SPTA1: variants seen among roughly 807,000 people sequenced by gnomAD.
SPTA1 encodes the protein spectrin alpha, erythrocytic 1, also known as spectrin alpha chain, erythrocytic 1.
SPTA1 carries 177 observed loss-of-function variants against 324.7 expected under a neutral mutation model. The observed-to-expected ratio is 0.55, with a 90% confidence interval of 0.48 to 0.62. The LOEUF (loss-of-function observed/expected upper bound fraction) is 0.62. Among genes scored for constraint, SPTA1 ranks in the 20% least tolerant of loss-of-function variants. SPTA1 has a pLI of 0.00. For synonymous variants in SPTA1, 1,195 were observed against 1,041.3 expected, an observed-to-expected ratio of 1.15 and a Z score of -2.84; for missense variants, 3,162 against 2,883.6, an observed-to-expected ratio of 1.10 and a Z score of -2.21.
rs201399968 is a variant in SPTA1 at position 158,644,351 on chromosome 1, G to A, written c.4240C>T (p.Arg1414Cys). The A allele has an allele frequency of 4.4e-4, 705 of 1,613,730 alleles. 1 individual carries two copies. Among genetic ancestry groups the A allele is most frequent in the Non-Finnish European group, 5.7e-4 (669 of 1,179,896 alleles). Residue 1414 changes from arginine (R) to cysteine (C), a missense_variant, in exon 30 of 52, where the codon CGT (arginine) becomes TGT (cysteine). Arg to Cys is a radical substitution (Grantham distance 180, BLOSUM62 -3). Transcript: ENST00000643759. ...TCATCTGACCTCAGGGAATTCTCAC[G>A]TGCCACCATCCAGCTCTCAACTTGA... ...CDQVESWMVA[R>C]ENSLRSDDKS...
chr1:158,671,385 T>G lies in SPTA1; in HGVS notation c.1557A>C (p.Glu519Asp). 6.2e-7 allele frequency: 1 copy of G among 1,613,562 alleles called. No homozygotes were observed. The highest frequency in any genetic ancestry group is 2.2e-5 in the East Asian group (1 of 44,854). Residue 519 changes from glutamate (E) to aspartate (D), a missense_variant, in exon 12 of 52, where the codon GAA (glutamate) becomes GAC (aspartate). Coordinates refer to ENST00000643759, the MANE Select transcript of SPTA1 (RefSeq NM_003126.4). ...GSAEALLQKH[E>D]DFEEAFTAQE... ...GGGCAGTAAAGGCTTCCTCAAAGTC[T>G]TCATGCTTCTGAAGAAGGGCTTCTG... is the stretch of plus-strand genomic sequence containing the variant.
intron 29 of SPTA1, 28 bp from the exon 30 acceptor site, chr1:158,644,424 G>T: frequency 6.2e-7 from 1 of 1,613,326 alleles, no homozygotes; most frequent in Non-Finnish European, 8.5e-7. Flanking sequence ...AGAGGGGTAT[G>T]GTATAGTCCA....
Position 158,683,495 on chromosome 1 carries a change from C to T in SPTA1, c.266G>A (p.Gly89Glu), listed in dbSNP as rs1557997384. Residue 89 changes from glycine to glutamate, a missense_variant and splice_region_variant, in exon 3 of 52, where the codon GGG (glycine) becomes GAG (glutamate). Physicochemically the swap from Gly to Glu is moderately conservative, Grantham distance 98. Transcript: ENST00000643759. ...KSYEDPTNIQ[G>E]KYQKHQSLEA... ...AAGGGATTGATGCTTCTGATATTTC[C>T]CCTAAAGTTTAGAAATCAGAGTTTT... is the stretch of plus-strand genomic sequence containing the variant. The T allele has an allele frequency of 9.3e-6, 15 of 1,612,866 alleles. No homozygotes were observed. Among genetic ancestry groups the T allele is most frequent in the Non-Finnish European group, 1.3e-5 (15 of 1,179,280 alleles).
chr1:158,652,526 T>G lies in SPTA1; in HGVS notation c.3316A>C (p.Thr1106Pro). The G allele has an allele frequency of 6.2e-7, 1 of 1,614,194 alleles. No individual in the cohort carries two copies. The highest frequency in any genetic ancestry group is 2.2e-5 in the East Asian group (1 of 44,866). Residue 1106 changes from threonine (T) to proline (P), a missense_variant, in exon 23 of 52, where the codon ACT (threonine) becomes CCT (proline). Thr to Pro is a conservative substitution (Grantham distance 38, BLOSUM62 -1). Transcript: ENST00000643759. ...EWIQEKKAENTGVELDDVWEL... is the reference protein window; with the variant it reads ...EWIQEKKAENPGVELDDVWEL... ...CAAACATCATCTAGTTCCACTCCAG[T>G]GTTTTCTGCCTTTTTCTCTTGAATC...
intron 39 of SPTA1, among the ~76,000 whole-genome samples, chr1:158,633,492 C>G (rs1030174249): frequency 9.9e-5 from 15 of 151,714 alleles, no homozygotes; most frequent in Non-Finnish European, 1.9e-4. Context: ...AACCCCTTGT[C>G]TACTAAAAAT....
intron 38 of SPTA1, 92 bp downstream of exon 38, chr1:158,635,821 G>C (rs1571410904): frequency 1.3e-6 from 2 of 1,586,500 alleles, no homozygotes; most frequent in East Asian, 2.2e-5. Flanking sequence ...GGGGATAGCA[G>C]ACAATGCTGA....
rs1163981103 is a variant in SPTA1 at position 158,627,649 on chromosome 1, T to G, written c.5640A>C (p.Ala1880=). 1.2e-6 allele frequency: 2 copies of G among 1,613,584 alleles called. No homozygotes were observed. Among genetic ancestry groups the G allele is most frequent in the East Asian group, 2.2e-5 (1 of 44,854 alleles). The change falls in exon 40 of 52, where the codon GCA becomes GCC. Residue 1880 remains alanine (A), a synonymous_variant. Transcript: ENST00000643759. ...VHETRVQNVC[A]QGEDILNKVL... is the part of the protein sequence containing the mutation. ...CCTTATTTAGGATGTCTTCTCCTTG[T>G]GCACACACATTTTGTACTCGGGTCT...
rs1652900195 is a variant in SPTA1 at position 158,657,327 on chromosome 1, C to G, written c.2805+150G>C. ...GGATTCCTGTCAACTCTGAGGGAGT[C>G]TCAGCAGATGAAGGCCAACGGCGAC... On this transcript the variant is annotated intron_variant, in intron 19 of 51. Transcript: ENST00000643759. 3.9e-6 allele frequency: 3 copies of G among 766,320 alleles called. No individual in the cohort carries two copies. In the South Asian group the frequency reaches 4.4e-5, roughly 11 times the overall value. 47.5% of individuals were successfully genotyped at this position (766,320 alleles called of 1,614,324 possible).
At chr1:158,651,174 T>G (rs957556871) in intron 24 of SPTA1, among the ~76,000 whole-genome samples, 193 bp downstream of exon 24, 5 of 152,198 alleles carry the variant, frequency 3.3e-5, no homozygotes, top group African/African-American at 1.2e-4. Flanking sequence ...TTTAATTAAG[T>G]TAATTTAGAC....
At chr1:158,648,341 C>A (rs1443201149) in intron 26 of SPTA1, among the ~76,000 whole-genome samples, 168 bp downstream of exon 26, 1 of 152,082 alleles carries the variant, frequency 6.6e-6, no homozygotes, top group Non-Finnish European at 1.5e-5. Context: ...TGGGGCATAT[C>A]CTTTTCATGG....
rs1177353050 is a variant in SPTA1 at position 158,659,595 on chromosome 1, ATTTTTTTTTTT to A, written c.2587+1681_2587+1691del. 7.3e-5 allele frequency among the ~76,000 whole-genome samples: 5 copies of A among 68,780 alleles called. 2 individuals carry two copies. The East Asian group carries it at 1.8e-3, about 24-fold the overall frequency. The allele number at this position is 68,780 out of a possible 152,430, so 45.1% of individuals were successfully genotyped here. A position where few individuals can be genotyped will look rare whatever the true frequency, so the allele number is the denominator to read the frequency against. On this transcript the variant is annotated intron_variant, in intron 18 of 51. Coordinates refer to ENST00000643759, the MANE Select transcript of SPTA1 (RefSeq NM_003126.4). ...AAAAGAAAATAATAGTCTTAGCATT[ATTTTTTTTTTT>A]TTTTTTTTTTTTTTTGAGACGGAGT...
intron 10 of SPTA1, among the ~76,000 whole-genome samples, chr1:158,672,785 T>G (rs1654115340): frequency 1.3e-5 from 2 of 152,048 alleles, no homozygotes. Flanking sequence ...CACCTGCAGC[T>G]GTATTATCTC....
In SPTA1 at chr1:158,672,145, G is replaced by C. The variant is rs565907779; in HGVS notation, c.1402C>G (p.Arg468Gly). Residue 468 changes from arginine to glycine, a missense_variant, in exon 11 of 52, where the codon CGT becomes GGT. Transcript: ENST00000643759. ...WTALLELWDE[R>G]HRQYEQCLDF... ...AAGCACTGCTCATACTGACGATGAC[G>C]CTCGTCCCACAGTTCCAGCAGGGCA... 3 of 1,614,034 alleles carry C rather than the reference G, an allele frequency of 1.9e-6. No homozygotes were observed. Among genetic ancestry groups the C allele is most frequent in the Non-Finnish European group, 2.5e-6 (3 of 1,179,966 alleles).
At chr1:158,678,025 G>C (rs115332667) in intron 6 of SPTA1, among the ~76,000 whole-genome samples, 191 bp from the exon 7 acceptor site, 2,690 of 152,198 alleles carry the variant, frequency 0.018, 94 homozygotes, top group African/African-American at 0.062. Context: ...TTAAGGTCCT[G>C]GGCTTCTTGA....
chr1:158,628,463 A>T (rs1206779708), intron 39 of SPTA1, among the ~76,000 whole-genome samples: 1 of 152,174 alleles, frequency 6.6e-6, no homozygotes, highest in Non-Finnish European at 1.5e-5. Flanking sequence ...TACTTTTTCA[A>T]AATCCCTATT....
At chr1:158,684,385 C>T (rs1655025922) in intron 2 of SPTA1, among the ~76,000 whole-genome samples, 1 of 152,054 alleles carries the variant, frequency 6.6e-6, no homozygotes, top group Non-Finnish European at 1.5e-5. Flanking sequence ...TGACTCTTCA[C>T]CCTATTTCCC....
rs200868381 is a variant in SPTA1 at position 158,613,861 on chromosome 1, A to G, written c.6849T>C (p.Phe2283=). ...LKEFSTIYKH[F]DENLTGRLTH... is the part of the protein sequence containing the mutation. ...TCAGGCGCCCTGTCAAATTCTCATC[A>G]AAGTGTCTAAAGGATAAAAAAAGAA... The change falls in exon 50 of 52, where the codon TTT becomes TTC. Residue 2283 remains phenylalanine, a synonymous_variant. Coordinates refer to ENST00000643759, the MANE Select transcript of SPTA1 (RefSeq NM_003126.4). The G allele has an allele frequency of 6.2e-7, 1 of 1,613,800 alleles. No individual in the cohort carries two copies. The highest frequency in any genetic ancestry group is 8.5e-7 in the Non-Finnish European group (1 of 1,179,882).
chr1:158,636,687 T>C lies in SPTA1; in HGVS notation c.5264A>G (p.His1755Arg). The change falls in exon 37 of 52, where the codon CAC becomes CGC. Residue 1755 changes from histidine (H) to arginine (R), a missense_variant. Coordinates refer to ENST00000643759, the MANE Select transcript of SPTA1 (RefSeq NM_003126.4). The part of the protein sequence containing the change: ...LQGVQNLLKK[H>R]KRLEGELVAH... ...CACCAGCTCCCCCTCTAGGCGTTTG[T>C]GCTTCTTCAGCAAGTTCTGAACCCC... is the stretch of plus-strand genomic sequence containing the variant. 1 of 1,614,166 alleles carries C rather than the reference T, an allele frequency of 6.2e-7. No individual in the cohort carries two copies. The highest frequency in any genetic ancestry group is 2.2e-5 in the East Asian group (1 of 44,884).
intron 39 of SPTA1, among the ~76,000 whole-genome samples, chr1:158,633,759 A>C (rs1650857267): frequency 6.6e-6 from 1 of 152,126 alleles, no homozygotes; most frequent in Admixed American, 6.5e-5. Context: ...AAATGCTTGA[A>C]CATGTGCAGT....
Sources: allele counts gnomAD v4.1 joint callset (sites outside exome capture counted in the v4.1 genomes callset), GRCh38; gene constraint gnomAD v4.1.1; transcripts MANE v1.5; gene names NCBI Gene and HGNC (gene_info 2026-07-23, HGNC 2026-07-21).